The following BBOF1 variants were observed in gnomAD, a reference collection of about 807,000 sequenced individuals.
BBOF1 encodes basal body orientation factor 1, also known as basal body-orientation factor 1.
A neutral mutation model predicts 68.0 loss-of-function variants in BBOF1; 62 were observed. The ratio of observed to expected loss-of-function variants is 0.91; its 90% confidence interval spans 0.74 to 1.13. The LOEUF is 1.13. BBOF1 is among the 50% of genes most tolerant of loss of function. The probability of loss-of-function intolerance (pLI) is 0.00; values close to 1 mark genes in which losing one functional copy is unlikely to be tolerated. For synonymous variants in BBOF1, 208 were observed against 198.8 expected (o/e 1.05, Z -0.39); for missense variants, 534 against 600.1 (o/e 0.89, Z 1.15).
intron 9 of BBOF1, chr14:74,071,399 G>C: frequency 6.2e-7 from 1 of 1,614,202 alleles, no homozygotes; most frequent in Non-Finnish European, 8.5e-7. Flanking sequence ...CACACTCCCA[G>C]AGGCAGACGG....
chr14:74,063,423 G>C (rs1224284933), intron 11 of BBOF1, among the ~76,000 whole-genome samples: 2 of 151,912 alleles, frequency 1.3e-5, no homozygotes, highest in Admixed American at 1.3e-4. Context: ...GACTTCAGGT[G>C]ATCTGCCTGC....
intron 8 of BBOF1, among the ~76,000 whole-genome samples, chr14:74,052,840 C>G (rs1239124047): frequency 6.6e-6 from 1 of 150,732 alleles, no homozygotes; most frequent in Non-Finnish European, 1.5e-5. Flanking sequence ...CTACAAAAAA[C>G]AAAACAAAAA....
At chr14:74,037,364 T>C (rs544189423) in intron 4 of BBOF1, among the ~76,000 whole-genome samples, 110 of 144,024 alleles carry the variant, frequency 7.6e-4, no homozygotes, top group African/African-American at 2.6e-3. Context: ...TAGTCATGGC[T>C]CACTGCAGCC....
intron 5 of BBOF1, among the ~76,000 whole-genome samples, chr14:74,045,181 T>C (rs2139569000): frequency 6.6e-6 from 1 of 152,332 alleles, no homozygotes; most frequent in Middle Eastern, 3.4e-3. Context: ...ATGATAATTA[T>C]TGCTTATTGT....
At chr14:74,051,396 G>C (rs1362806285) in intron 8 of BBOF1, among the ~76,000 whole-genome samples, 1 of 151,642 alleles carries the variant, frequency 6.6e-6, no homozygotes, top group Non-Finnish European at 1.5e-5. Flanking sequence ...CTGGGCAACA[G>C]AGTGAGACCC....
chr14:74,031,404 C>T (rs749628908), intron 3 of BBOF1, among the ~76,000 whole-genome samples: 11 of 152,128 alleles, frequency 7.2e-5, no homozygotes, highest in East Asian at 1.9e-4. Context: ...TAGGCCACCA[C>T]GCCTGGCATC....
intron 8 of BBOF1, among the ~76,000 whole-genome samples, chr14:74,053,919 G>T (rs996435661): frequency 6.6e-6 from 1 of 151,868 alleles, no homozygotes; most frequent in African/African-American, 2.4e-5. Context: ...CTGTCACCCA[G>T]GCTGGAGTGC....
intron 9 of BBOF1, among the ~76,000 whole-genome samples, chr14:74,074,272 C>T (rs934065598): frequency 2.7e-5 from 4 of 146,064 alleles, no homozygotes; most frequent in Non-Finnish European, 6.0e-5. Flanking sequence ...CCACTGCGCC[C>T]GGCCCCTTTC....
intron 1 of BBOF1, 145 bp downstream of exon 1, chr14:74,019,679 T>A (rs2059208895): frequency 2.9e-6 from 4 of 1,382,098 alleles, no homozygotes; most frequent in Non-Finnish European, 2.9e-6. Context: ...AGCTCCCATG[T>A]CCATAGTCTG....
At position 74,064,862 on chromosome 14, in the gene BBOF1, C is replaced by A; in HGVS notation, c.*163C>A. On this transcript the variant is annotated 3_prime_UTR_variant, in exon 12 of 12. Transcript: ENST00000394009. ...ATTGGTGTCTCCCCTGAAGGAGGAT[C>A]GAGAGCCGGTGAATGAGAACATTGG... 6.2e-7 allele frequency: 1 copy of A among 1,613,982 alleles called. No individual in the cohort carries two copies. Among genetic ancestry groups the A allele is most frequent in the Non-Finnish European group, 8.5e-7 (1 of 1,179,998 alleles).
At chr14:74,077,092 C>T (rs1330041042) in intron 9 of BBOF1, among the ~76,000 whole-genome samples, 1 of 152,174 alleles carries the variant, frequency 6.6e-6, no homozygotes, top group African/African-American at 2.4e-5. Context: ...TCTGTTTGCT[C>T]TTCTATTCCC....
rs2060550439 is a variant in BBOF1 at position 74,071,671 on chromosome 14, A to G, written n.1380-6525A>G. On this transcript the variant is annotated intron_variant and non_coding_transcript_variant, in intron 9 of 12. Transcript: ENST00000492026. ...GCAAAATGAGATTCTCTGAATGGGA[A>G]AAATACAGCGATATGTATATACCCA... is the stretch of plus-strand genomic sequence containing the variant. 3 of 1,520,190 alleles carry G rather than the reference A, an allele frequency of 2.0e-6. No individual in the cohort carries two copies. In the South Asian group the frequency reaches 3.7e-5, roughly 19 times the overall value. The allele number at this position is 1,520,190 out of a possible 1,614,324, so 94.2% of individuals were successfully genotyped here. A position where few individuals can be genotyped will look rare whatever the true frequency, so the allele number is the denominator to read the frequency against.
chr14:74,067,757 C>CTACAAAAAA, downstream of BBOF1, among the ~76,000 whole-genome samples: 1 of 151,646 alleles, frequency 6.6e-6, no homozygotes, highest in South Asian at 2.1e-4. Flanking sequence ...AACACCATCT[C>CTACAAAAAA]TACAAAAAAT....
intron 9 of BBOF1, among the ~76,000 whole-genome samples, chr14:74,055,973 T>A (rs903678656): frequency 6.6e-6 from 1 of 152,056 alleles, no homozygotes; most frequent in Non-Finnish European, 1.5e-5. Flanking sequence ...CTCAGCTGAA[T>A]GAGTGGCAAC....
At chr14:74,064,545 G>A in intron 11 of BBOF1, 143 bp from the exon 12 acceptor site, 1 of 748,528 alleles carries the variant, frequency 1.3e-6, no homozygotes, top group Non-Finnish European at 2.3e-6. Flanking sequence ...GGGGAGAGAT[G>A]GGGAAGAGGG....
downstream of BBOF1, chr14:74,067,026 G>T (rs2060477676): frequency 2.4e-6 from 2 of 828,608 alleles, no homozygotes. Flanking sequence ...GACCAGCCTG[G>T]GCAACAAAGT....
downstream of BBOF1, among the ~76,000 whole-genome samples, chr14:74,070,497 C>T (rs144858887): frequency 1.3e-5 from 2 of 152,130 alleles, no homozygotes; most frequent in African/African-American, 2.4e-5. Context: ...CCAGTCTGGG[C>T]GACAGAGGGA....
chr14:74,064,731 T>C lies in BBOF1; in HGVS notation c.*32T>C. On this transcript the variant is annotated 3_prime_UTR_variant, in exon 12 of 12. Coordinates refer to ENST00000394009, the MANE Select transcript of BBOF1 (RefSeq NM_025057.3). The stretch of plus-strand genomic sequence containing the variant: ...CTGATTATGACCTCACAGATGCTGC[T>C]GGCAGTCCCTTCCTTGCAGAATCCT... 6.2e-7 allele frequency: 1 copy of C among 1,613,118 alleles called. No homozygotes were observed. The highest frequency in any genetic ancestry group is 2.2e-5 in the East Asian group (1 of 44,868).
At chr14:74,076,221 A>G (rs539032659) in intron 9 of BBOF1, among the ~76,000 whole-genome samples, 19 of 152,340 alleles carry the variant, frequency 1.2e-4, no homozygotes, top group Admixed American at 2.0e-4. Context: ...ATAAAGCTAT[A>G]TTGAAATGCC....
Sources: gnomAD v4.1 joint callset for allele counts (sites outside exome capture counted in the v4.1 genomes callset) on GRCh38, gnomAD v4.1.1 for gene constraint, MANE v1.5 for transcripts, NCBI Gene and HGNC (gene_info 2026-07-23, HGNC 2026-07-21) for gene names.